The following NRXN1 variants were observed in gnomAD, a reference collection of about 807,000 sequenced individuals.
NRXN1 encodes neurexin 1.
NRXN1 carries 39 observed loss-of-function variants against 150.9 expected under a neutral mutation model. The ratio of observed to expected loss-of-function variants is 0.26; its 90% CI spans 0.20 to 0.34. The LOEUF is 0.34. NRXN1 is among the 10% of genes least tolerant of loss of function. The pLI is 1.00. For missense variants in NRXN1, 1,815 were observed against 1,949.9 expected (o/e 0.93, Z 1.30); for synonymous variants, 924 against 757.0 (o/e 1.22, Z -3.62).
At chr2:50,302,337 G>A (rs1225641633) in intron 17 of NRXN1, among the ~76,000 whole-genome samples, 1 of 152,080 alleles carries the variant, frequency 6.6e-6, no homozygotes, top group Non-Finnish European at 1.5e-5. Context: ...AATGCACCAA[G>A]AGCCATAGGG....
At position 49,921,596 on chromosome 2, in the gene NRXN1, G is replaced by A. The variant is rs1668210266; in HGVS notation, c.*348C>T. ...CTTTTTTGTGTTATGTTTTGTGTTGGTTTTTGTGTTGTGCCTTGATGCTGT... is the reference window on the plus strand; with the variant it reads ...CTTTTTTGTGTTATGTTTTGTGTTGATTTTTGTGTTGTGCCTTGATGCTGT... On this transcript the variant is annotated 3_prime_UTR_variant, in exon 23 of 23. Transcript: ENST00000401669. 2 of 215,932 alleles carry A rather than the reference G, an allele frequency of 9.3e-6. No individual in the cohort carries two copies. The highest frequency in any genetic ancestry group is 1.9e-5 in the Non-Finnish European group (2 of 108,088). The allele number at this position is 215,932 out of a possible 1,614,324, so 13.4% of individuals were successfully genotyped here. A position where few individuals can be genotyped will look rare whatever the true frequency, so the allele number is the denominator to read the frequency against.
At chr2:50,282,300 G>C (rs2071566330) in intron 17 of NRXN1, among the ~76,000 whole-genome samples, 1 of 152,102 alleles carries the variant, frequency 6.6e-6, no homozygotes, top group African/African-American at 2.4e-5. Context: ...TTTAATTTTA[G>C]GCAGGTCACT....
At chr2:50,135,324 G>A (rs1181872076) in intron 18 of NRXN1, among the ~76,000 whole-genome samples, 2 of 152,180 alleles carry the variant, frequency 1.3e-5, no homozygotes, top group Non-Finnish European at 2.9e-5. Flanking sequence ...ATAGACGAAA[G>A]GTTTTAGGGG....
intron 6 of NRXN1, among the ~76,000 whole-genome samples, chr2:50,621,789 G>C (rs547198610): frequency 1.3e-5 from 2 of 152,104 alleles, no homozygotes; most frequent in South Asian, 4.1e-4. Flanking sequence ...CATATTGATG[G>C]ACTTTAGGGT....
At chr2:50,556,829 T>A (rs764977797) in intron 8 of NRXN1, among the ~76,000 whole-genome samples, 2 of 152,098 alleles carry the variant, frequency 1.3e-5, no homozygotes, top group Admixed American at 6.6e-5. Flanking sequence ...CTAAGCCAAG[T>A]CCCTAACCTC....
chr2:50,983,737 T>C (rs2104911113), intron 2 of NRXN1, among the ~76,000 whole-genome samples: 1 of 152,250 alleles, frequency 6.6e-6, no homozygotes, highest in East Asian at 1.9e-4. Flanking sequence ...TTTAATGAAA[T>C]GCATTATGTC....
intron 18 of NRXN1, among the ~76,000 whole-genome samples, chr2:50,093,477 A>AG (rs1475541252): frequency 6.6e-6 from 1 of 150,392 alleles, no homozygotes; most frequent in Non-Finnish European, 1.5e-5. Context: ...GAAAAAGAAA[A>AG]AAAAAAGAAA....
intron 19 of NRXN1, among the ~76,000 whole-genome samples, chr2:50,070,499 G>C (rs189409068): frequency 6.6e-6 from 1 of 151,916 alleles, no homozygotes; most frequent in Non-Finnish European, 1.5e-5. Flanking sequence ...GGCCAGACAC[G>C]GTGGCTCACG....
intron 17 of NRXN1, among the ~76,000 whole-genome samples, chr2:50,435,848 G>C (rs942502535): frequency 6.6e-6 from 1 of 151,976 alleles, no homozygotes; most frequent in African/African-American, 2.4e-5. Flanking sequence ...ACTACCTGTT[G>C]GTTACTATGC....
At chr2:50,026,914 T>C (rs1406813345) in intron 21 of NRXN1, among the ~76,000 whole-genome samples, 1 of 136,072 alleles carries the variant, frequency 7.3e-6, no homozygotes, top group Non-Finnish European at 1.5e-5. Context: ...GGAGTCTCGT[T>C]CTGTCACCCA....
At chr2:50,349,599 C>T (rs1431004549) in intron 17 of NRXN1, among the ~76,000 whole-genome samples, 1 of 152,206 alleles carries the variant, frequency 6.6e-6, no homozygotes, top group Non-Finnish European at 1.5e-5. Flanking sequence ...ACATTAGTTA[C>T]TGAGTCTTTC....
intron 19 of NRXN1, among the ~76,000 whole-genome samples, chr2:50,082,338 G>A (rs934827735): frequency 6.6e-6 from 1 of 152,126 alleles, no homozygotes; most frequent in Non-Finnish European, 1.5e-5. Context: ...AGTGAGACCA[G>A]TATAACCCTT....
intron 5 of NRXN1, among the ~76,000 whole-genome samples, chr2:50,763,469 G>C (rs571854523): frequency 1.3e-5 from 2 of 151,978 alleles, no homozygotes; most frequent in African/African-American, 4.8e-5. Flanking sequence ...ACTAGTAAGA[G>C]CTTAATTAAT....
chr2:50,893,918 C>T (rs1033616509), intron 5 of NRXN1, among the ~76,000 whole-genome samples: 2 of 152,070 alleles, frequency 1.3e-5, no homozygotes, highest in Admixed American at 6.6e-5. Context: ...CATGTCCCTA[C>T]AAAGGACATG....
At chr2:50,188,688 C>T (rs1217198147) in intron 18 of NRXN1, among the ~76,000 whole-genome samples, 1 of 150,732 alleles carries the variant, frequency 6.6e-6, no homozygotes, top group African/African-American at 2.4e-5. Flanking sequence ...AAAAAAAAAA[C>T]ATCAAAAAGT....
intron 18 of NRXN1, among the ~76,000 whole-genome samples, chr2:50,100,861 C>A (rs888755053): frequency 1.3e-5 from 2 of 151,928 alleles, no homozygotes; most frequent in Admixed American, 1.3e-4. Context: ...ATTTTTCTCC[C>A]TGAATAATCA....
intron 17 of NRXN1, among the ~76,000 whole-genome samples, chr2:50,353,098 C>A (rs990301021): frequency 6.6e-6 from 1 of 152,000 alleles, no homozygotes; most frequent in Admixed American, 6.6e-5. Context: ...CCTAGATGTG[C>A]AGTTTGACTT....
chr2:50,337,351 C>T (rs1446401538), intron 17 of NRXN1, among the ~76,000 whole-genome samples: 1 of 152,106 alleles, frequency 6.6e-6, no homozygotes, highest in Non-Finnish European at 1.5e-5. Context: ...TCCCAAAGTG[C>T]TGGGACTACA....
chr2:50,293,012 A>C (rs894187391), intron 17 of NRXN1, among the ~76,000 whole-genome samples: 1 of 152,166 alleles, frequency 6.6e-6, no homozygotes, highest in African/African-American at 2.4e-5. Context: ...AAAGGAATAA[A>C]AACCTACTGA....
Sources: allele counts gnomAD v4.1 joint callset (sites outside exome capture counted in the v4.1 genomes callset), GRCh38; gene constraint gnomAD v4.1.1; transcripts MANE v1.5; gene names NCBI Gene and HGNC (gene_info 2026-07-23, HGNC 2026-07-21).